The following TAFA1 variants were observed in gnomAD, a reference collection of about 807,000 sequenced individuals.
TAFA1 encodes the protein TAFA chemokine like family member 1.
A neutral mutation model predicts 18.5 loss-of-function variants in TAFA1; 4 were observed. The observed-to-expected ratio is 0.22, with a 90% confidence interval of 0.11 to 0.49. The LOEUF is 0.49. Ranked by LOEUF, TAFA1 falls within the 20% of genes least tolerant of loss-of-function variation. The probability of loss-of-function intolerance (pLI) is 0.98; values close to 1 mark genes in which losing one functional copy is unlikely to be tolerated. For synonymous variants in TAFA1, 56 were observed against 55.2 expected (o/e 1.01, Z -0.06); for missense variants, 147 against 169.0 (o/e 0.87, Z 0.72).
chr3:68,077,898 G>T (rs1177906036), intron 2 of TAFA1, among the ~76,000 whole-genome samples: 2 of 151,152 alleles, frequency 1.3e-5, no homozygotes, highest in Non-Finnish European at 2.9e-5. Flanking sequence ...AATTACCTTG[G>T]GCAGTATGGA....
At chr3:68,537,379 C>A (rs2106786760) in intron 3 of TAFA1, among the ~76,000 whole-genome samples, 1 of 152,236 alleles carries the variant, frequency 6.6e-6, no homozygotes, top group African/African-American at 2.4e-5. Flanking sequence ...CTTGAAACTT[C>A]ATAAAGAATG....
chr3:68,423,534 G>A (rs1370364693), intron 3 of TAFA1, among the ~76,000 whole-genome samples: 1 of 152,004 alleles, frequency 6.6e-6, no homozygotes, highest in Non-Finnish European at 1.5e-5. Context: ...CCAACCATGT[G>A]GATACTTACA....
chr3:68,213,846 G>A (rs1043093066), intron 2 of TAFA1, among the ~76,000 whole-genome samples: 1 of 152,128 alleles, frequency 6.6e-6, no homozygotes. Context: ...AGCCAGTAGA[G>A]CCTTTAGCAC....
At chr3:68,132,436 C>T (rs1704916081) in intron 2 of TAFA1, among the ~76,000 whole-genome samples, 1 of 152,138 alleles carries the variant, frequency 6.6e-6, no homozygotes, top group African/African-American at 2.4e-5. Context: ...GGTTCTAGAT[C>T]CTTGAGGAAT....
chr3:68,495,800 AAAGAAAGGAAACC>A lies in TAFA1; in HGVS notation c.260-42945_260-42933del, dbSNP rs1426545557. Among the ~76,000 whole-genome samples the A allele has an allele frequency of 2.6e-5, 4 of 152,272 alleles. No homozygotes were observed. The South Asian group carries it at 8.3e-4, about 32-fold the overall frequency. On this transcript the variant is annotated intron_variant, in intron 3 of 4. Transcript: ENST00000478136. ...TCTCCAGGCTCACATGTGGATCAAG[AAAGAAAGGAAACC>A]AAGAAAGGAATTTACATGAAAGCAA...
chr3:68,474,978 G>A (rs2072063720), intron 3 of TAFA1, among the ~76,000 whole-genome samples: 1 of 151,806 alleles, frequency 6.6e-6, no homozygotes, highest in Admixed American at 6.6e-5. Context: ...GAGATGAGAT[G>A]TGCTGAACTG....
chr3:68,525,320 T>G (rs2073093220), intron 3 of TAFA1, among the ~76,000 whole-genome samples: 1 of 152,230 alleles, frequency 6.6e-6, no homozygotes, highest in Admixed American at 6.5e-5. Flanking sequence ...TTTCAAAATA[T>G]AAGAATCCTT....
chr3:68,205,203 T>G (rs577101227), intron 2 of TAFA1, among the ~76,000 whole-genome samples: 1 of 151,982 alleles, frequency 6.6e-6, no homozygotes, highest in South Asian at 2.1e-4. Context: ...TTAAATTCAT[T>G]CAATAACAAG....
chr3:68,288,730 G>C (rs572737244), intron 2 of TAFA1, among the ~76,000 whole-genome samples: 1 of 152,266 alleles, frequency 6.6e-6, no homozygotes, highest in South Asian at 2.1e-4. Context: ...AACTCCATCT[G>C]TATTAAATGC....
At chr3:68,314,600 C>G (rs1389827037) in intron 2 of TAFA1, among the ~76,000 whole-genome samples, 7 of 152,182 alleles carry the variant, frequency 4.6e-5, no homozygotes, top group Non-Finnish European at 4.4e-5. Context: ...TACGCAATAT[C>G]ATGATTTGTG....
At chr3:68,331,255 A>G (rs2068863392) in intron 2 of TAFA1, among the ~76,000 whole-genome samples, 1 of 152,222 alleles carries the variant, frequency 6.6e-6, no homozygotes, top group Non-Finnish European at 1.5e-5. Flanking sequence ...TGAAGCAGGA[A>G]GTAAATAAAT....
chr3:68,322,807 G>A (rs1038224383), intron 2 of TAFA1, among the ~76,000 whole-genome samples: 1 of 152,112 alleles, frequency 6.6e-6, no homozygotes, highest in Non-Finnish European at 1.5e-5. Flanking sequence ...GCTGGGCATG[G>A]TGGTGCATGC....
chr3:68,443,374 C>T (rs574094097), intron 3 of TAFA1, among the ~76,000 whole-genome samples: 24 of 149,652 alleles, frequency 1.6e-4, no homozygotes, highest in Non-Finnish European at 3.0e-4. Flanking sequence ...ATCTACCTCA[C>T]AGTCTAGGAT....
At chr3:68,012,546 A>G (rs910932894) in intron 2 of TAFA1, among the ~76,000 whole-genome samples, 1 of 152,200 alleles carries the variant, frequency 6.6e-6, no homozygotes. Flanking sequence ...GCACATACAT[A>G]AAAATGTCAA....
At chr3:68,184,847 C>T (rs1487050985) in intron 2 of TAFA1, among the ~76,000 whole-genome samples, 1 of 152,046 alleles carries the variant, frequency 6.6e-6, no homozygotes, top group Admixed American at 6.6e-5. Context: ...ACTCTTCAAC[C>T]CAATGTGATG....
intron 3 of TAFA1, among the ~76,000 whole-genome samples, chr3:68,537,912 G>T (rs923253351): frequency 6.6e-6 from 1 of 152,116 alleles, no homozygotes; most frequent in African/African-American, 2.4e-5. Flanking sequence ...TTAACTCAAG[G>T]CTGGTCACGT....
intron 2 of TAFA1, among the ~76,000 whole-genome samples, chr3:68,374,975 C>T (rs1046361330): frequency 1.2e-4 from 18 of 152,072 alleles, no homozygotes; most frequent in African/African-American, 4.1e-4. Context: ...CTTTCTCTCT[C>T]GGTGATGGCT....
intron 3 of TAFA1, among the ~76,000 whole-genome samples, chr3:68,488,956 C>G (rs913663608): frequency 3.3e-5 from 5 of 152,178 alleles, no homozygotes; most frequent in African/African-American, 1.2e-4. Context: ...TTATTATGCA[C>G]TTACAGATCT....
chr3:68,292,291 C>T (rs2068122467), intron 2 of TAFA1, among the ~76,000 whole-genome samples: 1 of 151,852 alleles, frequency 6.6e-6, no homozygotes, highest in Admixed American at 6.6e-5. Flanking sequence ...CTTTTCCTCT[C>T]AGTCTTCTTT....
Sources: allele counts gnomAD v4.1 joint callset (sites outside exome capture counted in the v4.1 genomes callset), GRCh38; gene constraint gnomAD v4.1.1; transcripts MANE v1.5; gene names NCBI Gene and HGNC (gene_info 2026-07-23, HGNC 2026-07-21).